Variants in BRAF observed in about 807,000 individuals in gnomAD.
The protein encoded by BRAF is B-Raf proto-oncogene, serine/threonine kinase, also known as serine/threonine-protein kinase B-raf.
BRAF carries 16 observed loss-of-function variants against 104.6 expected under a neutral mutation model. The ratio of observed to expected loss-of-function variants is 0.15; its 90% CI spans 0.10 to 0.23. BRAF has a LOEUF of 0.23. Among genes scored for constraint, BRAF ranks in the 10% least tolerant of loss-of-function variants. The probability of loss-of-function intolerance (pLI) is 1.00; values close to 1 mark genes in which losing one functional copy is unlikely to be tolerated. For missense variants in BRAF, 541 were observed against 937.3 expected (o/e 0.58, Z 5.52); for synonymous variants, 310 against 341.6 (o/e 0.91, Z 1.02).
intron 1 of BRAF, among the ~76,000 whole-genome samples, chr7:140,894,192 G>A (rs1281941691): frequency 6.6e-6 from 1 of 152,020 alleles, no homozygotes; most frequent in Non-Finnish European, 1.5e-5. Flanking sequence ...GAAATGGAAG[G>A]TAATAAAAAG....
At chr7:140,831,785 C>T (rs1479275223) in intron 3 of BRAF, among the ~76,000 whole-genome samples, 2 of 152,184 alleles carry the variant, frequency 1.3e-5, no homozygotes, top group African/African-American at 4.8e-5. Context: ...CTAACACACA[C>T]CTTCAAAATA....
intron 1 of BRAF, among the ~76,000 whole-genome samples, chr7:140,915,432 C>CT (rs1014572413): frequency 0.029 from 4,134 of 141,660 alleles, 193 homozygotes; most frequent in African/African-American, 0.095. Context: ...ATTAAAGTAT[C>CT]TTTTTTTTTT....
chr7:140,732,920 C>G (rs568390295), intron 19 of BRAF: 84 of 152,200 alleles, frequency 5.5e-4, no homozygotes, highest in African/African-American at 2.0e-3. Flanking sequence ...GAATAAAACC[C>G]TATCTAACAA....
At chr7:140,906,687 T>C (rs977493153) in intron 1 of BRAF, among the ~76,000 whole-genome samples, 1 of 152,352 alleles carries the variant, frequency 6.6e-6, no homozygotes, top group Non-Finnish European at 1.5e-5. Context: ...CTAAGTATTT[T>C]ACCCTCATTG....
chr7:140,821,412 G>A (rs944501271), intron 3 of BRAF, among the ~76,000 whole-genome samples: 2 of 147,838 alleles, frequency 1.4e-5, no homozygotes, highest in Non-Finnish European at 3.0e-5. Context: ...CAATTCTCCT[G>A]CCTCAGCTCC....
At chr7:140,877,293 T>TGGG (rs34320657) in intron 1 of BRAF, among the ~76,000 whole-genome samples, 48 of 69,182 alleles carry the variant, frequency 6.9e-4, no homozygotes, top group African/African-American at 1.7e-3. Flanking sequence ...TTTTAAGAGA[T>TGGG]GGGGGGGGGG....
chr7:140,805,948 C>T (rs1803617912), intron 5 of BRAF, among the ~76,000 whole-genome samples: 1 of 152,110 alleles, frequency 6.6e-6, no homozygotes, highest in Non-Finnish European at 1.5e-5. Flanking sequence ...CACATTTCTC[C>T]CCAAGCTTAC....
chr7:140,743,793 C>T (rs1028647551), intron 17 of BRAF, among the ~76,000 whole-genome samples: 3 of 152,046 alleles, frequency 2.0e-5, no homozygotes, highest in African/African-American at 7.2e-5. Flanking sequence ...GTAAAAACCT[C>T]TGGGGCAACA....
chr7:140,889,359 A>T (rs562975123), intron 1 of BRAF, among the ~76,000 whole-genome samples: 2 of 152,220 alleles, frequency 1.3e-5, no homozygotes, highest in African/African-American at 4.8e-5. Flanking sequence ...AAAACCCTTC[A>T]TAATTTTAAA....
At chr7:140,747,546 C>G (rs1797453902) in intron 17 of BRAF, 1 of 422,730 alleles carries the variant, frequency 2.4e-6, no homozygotes, top group Non-Finnish European at 4.0e-6. Flanking sequence ...TATTATTGTA[C>G]TAAGATAAAC....
rs1797619887 is a variant in BRAF at position 140,749,537 on chromosome 7, C to A, written c.1981-119G>T. 9.3e-6 allele frequency: 10 copies of A among 1,069,896 alleles called. No individual in the cohort carries two copies. The South Asian group carries it at 1.3e-4, about 14-fold the overall frequency. The allele number at this position is 1,069,896 out of a possible 1,614,324, so 66.3% of individuals were successfully genotyped here. On this transcript the variant is annotated intron_variant, in intron 16 of 19. Transcript: ENST00000644969. ...TTAAAACACCTGTCTAATATGTAAT[C>A]AATTCTCTTAATAGTCAAAGAAATA...
intron 7 of BRAF, among the ~76,000 whole-genome samples, chr7:140,798,262 C>CTTTTTTTTTTTTTT (rs1025673669): frequency 3.1e-5 from 1 of 32,618 alleles, no homozygotes; most frequent in Non-Finnish European, 5.4e-5. Flanking sequence ...TGTATGGGGA[C>CTTTTTTTTTTTTTT]TTTTTTTTTC....
chr7:140,860,058 G>T (rs1291125898), intron 1 of BRAF, among the ~76,000 whole-genome samples: 2 of 152,172 alleles, frequency 1.3e-5, no homozygotes, highest in Non-Finnish European at 2.9e-5. Context: ...AGGAGGGTAA[G>T]ACTGGTGTTA....
intron 1 of BRAF, among the ~76,000 whole-genome samples, chr7:140,919,521 G>T (rs555698334): frequency 6.6e-6 from 1 of 151,850 alleles, no homozygotes; most frequent in African/African-American, 2.4e-5. Context: ...GAGGGTAGGG[G>T]GGAAAAATAA....
chr7:140,922,107 G>C (rs1348063671), intron 1 of BRAF, among the ~76,000 whole-genome samples: 1 of 151,972 alleles, frequency 6.6e-6, no homozygotes, highest in Non-Finnish European at 1.5e-5. Flanking sequence ...TTTATTATCA[G>C]TTCAGAAAAA....
intron 2 of BRAF, among the ~76,000 whole-genome samples, chr7:140,843,870 G>T (rs999427329): frequency 1.3e-5 from 2 of 152,118 alleles, no homozygotes; most frequent in African/African-American, 4.8e-5. Context: ...TTAGATGGGC[G>T]TGGTGGCGGG....
In BRAF at chr7:140,830,518, T is replaced by C. The variant is rs192042206; in HGVS notation, c.504+4091A>G. On this transcript the variant is annotated intron_variant, in intron 3 of 19. Transcript: ENST00000644969. ...CTTGGTTCCTGACACAGAGCTCTGA[T>C]TCCCTTGGAATTTCCTAGGTGGTAG... Among the ~76,000 whole-genome samples the C allele has an allele frequency of 1.9e-4, 29 of 152,328 alleles. No individual in the cohort carries two copies. The East Asian group carries it at 5.2e-3, about 27-fold the overall frequency.
At chr7:140,793,145 A>C (rs1445496789) in intron 8 of BRAF, among the ~76,000 whole-genome samples, 2 of 152,236 alleles carry the variant, frequency 1.3e-5, no homozygotes, top group Non-Finnish European at 2.9e-5. Flanking sequence ...TACAAAGATG[A>C]CACTCTAAAT....
chr7:140,840,531 C>T lies in BRAF; in HGVS notation c.241-5659G>A, dbSNP rs558718793. Among the ~76,000 whole-genome samples the T allele has an allele frequency of 1.1e-4, 16 of 152,072 alleles. No individual in the cohort carries two copies. In the South Asian group the frequency reaches 1.5e-3, roughly 14 times the overall value. ...CCTGGCCAGGTGCGGTGGCTCATACCTGTAATCCCAGCACTTTGGGAGGCC... is the reference window on the plus strand; with the variant it reads ...CCTGGCCAGGTGCGGTGGCTCATACTTGTAATCCCAGCACTTTGGGAGGCC... On this transcript the variant is annotated intron_variant, in intron 2 of 19. Transcript: ENST00000644969.
Sources: gnomAD v4.1 joint callset for allele counts (sites outside exome capture counted in the v4.1 genomes callset) on GRCh38, gnomAD v4.1.1 for gene constraint, MANE v1.5 for transcripts, NCBI Gene and HGNC (gene_info 2026-07-23, HGNC 2026-07-21) for gene names.